Variants in CP observed in about 807,000 individuals in gnomAD.
CP encodes the protein ceruloplasmin.
A neutral mutation model predicts 122.4 loss-of-function variants in CP; 64 were observed. That is an observed-to-expected ratio of 0.52 (90% CI 0.43 to 0.64). The LOEUF is 0.64. Ranked by LOEUF, CP falls within the 30% of genes least tolerant of loss-of-function variation. CP has a pLI of 0.00. For missense variants in CP, 1,167 were observed against 1,284.4 expected, an observed-to-expected ratio of 0.91 and a Z score of 1.40; for synonymous variants, 440 against 436.4, an observed-to-expected ratio of 1.01 and a Z score of -0.10.
At position 149,163,824 on chromosome 3, in the gene CP, A is replaced by C. The variant is rs201778431; in HGVS notation, c.*14-949T>G. ...TTGTTGTTATATTTTGTTTATGAGA[A>C]ATTCTTTTATGTTTTAGATAAATGC... On this transcript the variant is annotated intron_variant, in intron 5 of 5. Coordinates refer to the CP transcript ENST00000479771. 590 of 1,334,468 alleles carry C rather than the reference A, an allele frequency of 4.4e-4. 4 individuals are homozygous for C. Among genetic ancestry groups the C allele is most frequent in the Non-Finnish European group, 4.8e-4 (441 of 925,382 alleles). The allele number at this position is 1,334,468 out of a possible 1,614,324, so 82.7% of individuals were successfully genotyped here.
chr3:149,167,047 G>A, intron 4 of CP: 3 of 1,612,576 alleles, frequency 1.9e-6, no homozygotes, highest in Non-Finnish European at 2.5e-6. Flanking sequence ...CTTATATGTG[G>A]TCCTTCATTT....
intron 4 of CP, chr3:149,167,152 A>G (rs969561466): frequency 6.2e-7 from 1 of 1,613,938 alleles, no homozygotes; most frequent in Non-Finnish European, 8.5e-7. Context: ...CGCTTGAAAG[A>G]GTATGAACAG....
At chr3:149,201,373 G>A (rs564151056) in intron 7 of CP, among the ~76,000 whole-genome samples, 4 of 151,792 alleles carry the variant, frequency 2.6e-5, no homozygotes, top group Non-Finnish European at 4.4e-5. Flanking sequence ...CGCCCGCCTC[G>A]GCCTCCCAAA....
chr3:149,198,320 C>A, intron 9 of CP, 47 bp downstream of exon 9: 1 of 1,413,730 alleles, frequency 7.1e-7, no homozygotes, highest in East Asian at 2.3e-5. Context: ...GTCAAATGAT[C>A]ATTTTCAAAG....
intron 14 of CP, chr3:149,179,917 C>T (rs575784670): frequency 2.2e-6 from 1 of 444,994 alleles, no homozygotes; most frequent in South Asian, 2.3e-5. Context: ...CTTGCCATAC[C>T]ACAAAGCTAG....
chr3:149,203,506 C>T (rs1260618679), intron 6 of CP, among the ~76,000 whole-genome samples: 1 of 151,986 alleles, frequency 6.6e-6, no homozygotes, highest in Non-Finnish European at 1.5e-5. Flanking sequence ...TCAAGTGATC[C>T]ACCCGCTTTG....
chr3:149,212,500 C>T lies in CP; in HGVS notation c.345G>A (p.Arg115=). The stretch of plus-strand genomic sequence containing the variant: ...TTCCATGTGAATGAAAGGTGTAGGG[C>T]CTAGAGGCAAGGTTTTTTAAGTGTA... The part of the protein sequence containing the change: ...VYVHLKNLAS[R]PYTFHSHGIT... Residue 115 remains arginine, a synonymous_variant, in exon 2 of 19, where the codon AGG becomes AGA. Coordinates refer to ENST00000264613, the MANE Select transcript of CP (RefSeq NM_000096.4). The T allele has an allele frequency of 3.1e-6, 5 of 1,613,870 alleles. No individual in the cohort carries two copies. The highest frequency in any genetic ancestry group is 4.2e-6 in the Non-Finnish European group (5 of 1,179,914).
intron 18 of CP, among the ~76,000 whole-genome samples, chr3:149,174,612 T>G (rs893356301): frequency 6.6e-6 from 1 of 152,180 alleles, no homozygotes; most frequent in Non-Finnish European, 1.5e-5. Flanking sequence ...CAAACTATTG[T>G]ATTGGATTTG....
chr3:149,204,531 G>A (rs552099534), intron 6 of CP, among the ~76,000 whole-genome samples: 5 of 152,300 alleles, frequency 3.3e-5, no homozygotes, highest in East Asian at 3.9e-4. Flanking sequence ...AGTTGGAGAC[G>A]CAGCGTTGGG....
At chr3:149,191,434 A>G (rs1296807015) in intron 9 of CP, among the ~76,000 whole-genome samples, 1 of 151,996 alleles carries the variant, frequency 6.6e-6, no homozygotes, top group Non-Finnish European at 1.5e-5. Flanking sequence ...CTAGCACAGG[A>G]TGTTTTTGGA....
chr3:149,172,318 T>TCTCTCACACA (rs72453449), downstream of CP: 48 of 571,840 alleles, frequency 8.4e-5, no homozygotes, highest in Non-Finnish European at 1.4e-4. Context: ...ATTTTATATA[T>TCTCTCACACA]CACACACACA....
chr3:149,198,670 C>T, intron 8 of CP, 92 bp from the exon 9 acceptor site: 1 of 1,031,720 alleles, frequency 9.7e-7, no homozygotes, highest in Non-Finnish European at 1.5e-6. Flanking sequence ...TAGAATAGCC[C>T]ACTTCTGAGT....
In CP at chr3:149,206,209, A is replaced by C; in HGVS notation, c.1167T>G (p.Gly389=). ...AGTTTTCTTTAGTGAAGATGTCTAT[A>C]CCAGAGGGAGCATAGTTCCAGATGA... is the stretch of plus-strand genomic sequence containing the variant. The part of the protein sequence containing the change: ...EEIIWNYAPS[G]IDIFTKENLT... The change falls in exon 6 of 19, where the codon GGT becomes GGG. Residue 389 remains glycine (G), a synonymous_variant. Coordinates refer to ENST00000264613, the MANE Select transcript of CP (RefSeq NM_000096.4). The C allele has an allele frequency of 6.2e-7, 1 of 1,614,022 alleles. No individual in the cohort carries two copies. The highest frequency in any genetic ancestry group is 8.5e-7 in the Non-Finnish European group (1 of 1,179,904).
chr3:149,188,986 A>G (rs564918707), intron 9 of CP, among the ~76,000 whole-genome samples: 2 of 152,258 alleles, frequency 1.3e-5, no homozygotes, highest in South Asian at 4.1e-4. Context: ...GATCCTTCAG[A>G]GAACTGAAAC....
At chr3:149,208,812 A>G (rs1727923209) in intron 4 of CP, among the ~76,000 whole-genome samples, 1 of 152,206 alleles carries the variant, frequency 6.6e-6, no homozygotes, top group African/African-American at 2.4e-5. Flanking sequence ...TACCTTTCAG[A>G]ACTCGTGGTT....
At chr3:149,204,467 G>T (rs1727566140) in intron 6 of CP, among the ~76,000 whole-genome samples, 1 of 152,166 alleles carries the variant, frequency 6.6e-6, no homozygotes, top group Admixed American at 6.5e-5. Flanking sequence ...TCATCCATGT[G>T]GGGGTGTCAC....
intron 17 of CP, chr3:149,176,723 G>C (rs1050294793): frequency 6.8e-5 from 20 of 292,784 alleles, no homozygotes; most frequent in African/African-American, 4.4e-4. Context: ...CTACACAAAA[G>C]GAACTCAGCT....
chr3:149,176,105 G>T, intron 18 of CP, 145 bp downstream of exon 18: 2 of 768,016 alleles, frequency 2.6e-6, no homozygotes, highest in Non-Finnish European at 4.3e-6. Flanking sequence ...AATCCTGTTT[G>T]GAGGTAGAGA....
At chr3:149,177,583 A>G (rs906863740) in intron 17 of CP, among the ~76,000 whole-genome samples, 7 of 152,196 alleles carry the variant, frequency 4.6e-5, no homozygotes, top group Admixed American at 3.9e-4. Flanking sequence ...GTGCCTACAT[A>G]TCATTTCATT....
Sources: allele counts gnomAD v4.1 joint callset (sites outside exome capture counted in the v4.1 genomes callset), GRCh38; gene constraint gnomAD v4.1.1; transcripts MANE v1.5; gene names NCBI Gene and HGNC (gene_info 2026-07-23, HGNC 2026-07-21).